The following RAPGEF6 variants were observed in gnomAD, a reference collection of about 807,000 sequenced individuals.
RAPGEF6 encodes Rap guanine nucleotide exchange factor 6, also known as PDZ domain containing guanine nucleotide exchange factor (GEF) 2.
Under a neutral mutation model 171.4 loss-of-function variants are expected in RAPGEF6, and 56 were observed. The ratio of observed to expected loss-of-function variants is 0.33; its 90% confidence interval spans 0.26 to 0.41. The LOEUF is 0.41. RAPGEF6 is among the 10% of genes least tolerant of loss of function. The pLI, the probability that RAPGEF6 is intolerant of heterozygous loss-of-function variation, is 1.00. For missense variants in RAPGEF6, 1,674 were observed against 1,921.4 expected (o/e 0.87, Z 2.41); for synonymous variants, 692 against 650.1 (o/e 1.06, Z -0.98).
intron 4 of RAPGEF6, among the ~76,000 whole-genome samples, chr5:131,568,294 C>T (rs925887273): frequency 6.6e-6 from 1 of 150,994 alleles, no homozygotes; most frequent in Non-Finnish European, 1.5e-5. Context: ...TTTAGTATCC[C>T]ATTTTAATTC....
intron 6 of RAPGEF6, among the ~76,000 whole-genome samples, chr5:131,543,472 C>T (rs1760291035): frequency 1.3e-5 from 2 of 152,022 alleles, no homozygotes; most frequent in Admixed American, 1.3e-4. Context: ...AAAAAGTGAA[C>T]ACTAAAGAAA....
At chr5:131,457,220 A>T (rs1030508420) in intron 19 of RAPGEF6, among the ~76,000 whole-genome samples, 1 of 152,148 alleles carries the variant, frequency 6.6e-6, no homozygotes, top group African/African-American at 2.4e-5. Flanking sequence ...ACAGGTGTGT[A>T]CCACAATGCC....
intron 22 of RAPGEF6, among the ~76,000 whole-genome samples, chr5:131,445,905 T>A (rs1169725038): frequency 1.3e-5 from 2 of 152,204 alleles, no homozygotes; most frequent in African/African-American, 4.8e-5. Context: ...CTTTGATTTC[T>A]GCTCTTAGAA....
At chr5:131,472,470 T>A (rs778263020) in intron 17 of RAPGEF6, 117 bp downstream of exon 17, 1 of 1,193,914 alleles carries the variant, frequency 8.4e-7, no homozygotes, top group African/African-American at 1.5e-5. Context: ...TTGCATCAAG[T>A]CATAATCTAG....
Position 131,433,624 on chromosome 5 carries a change from G to A in RAPGEF6, c.3780C>T (p.Asn1260=). The A allele has an allele frequency of 1.2e-6, 2 of 1,612,980 alleles. No homozygotes were observed. Among genetic ancestry groups the A allele is most frequent in the African/African-American group, 2.7e-5 (2 of 74,964 alleles). Residue 1260 remains asparagine (N), a synonymous_variant, in exon 25 of 28, where the codon AAC becomes AAT. Transcript: ENST00000509018. ...TCTCACTATGGCTGGAGTCAGACAA[G>A]TTGTCAGATTTAGCTGATGGAATAA... ...YTLIPSAKSD[N]LSDSSHSEIS...
At chr5:131,456,275 T>C (rs1483897141) in intron 19 of RAPGEF6, among the ~76,000 whole-genome samples, 1 of 152,152 alleles carries the variant, frequency 6.6e-6, no homozygotes, top group Non-Finnish European at 1.5e-5. Flanking sequence ...AGTGACAGAA[T>C]AATTCCATAA....
chr5:131,528,288 A>T (rs1198506407), intron 6 of RAPGEF6, among the ~76,000 whole-genome samples: 5 of 101,942 alleles, frequency 4.9e-5, no homozygotes, highest in African/African-American at 7.1e-5. Context: ...TATATATATA[A>T]ATAAAATAAA....
intron 7 of RAPGEF6, among the ~76,000 whole-genome samples, chr5:131,511,932 T>C (rs557440817): frequency 6.6e-6 from 1 of 152,174 alleles, no homozygotes; most frequent in Non-Finnish European, 1.5e-5. Flanking sequence ...TGTACACAAT[T>C]AGATCTGGAA....
intron 1 of RAPGEF6, among the ~76,000 whole-genome samples, chr5:131,626,914 A>G (rs575076519): frequency 6.6e-6 from 1 of 152,316 alleles, no homozygotes; most frequent in East Asian, 1.9e-4. Context: ...ATACCTAGGA[A>G]ATATAGGAAA....
intron 24 of RAPGEF6, chr5:131,436,083 T>C (rs1751989906): frequency 6.5e-7 from 1 of 1,537,842 alleles, no homozygotes; most frequent in African/African-American, 1.4e-5. Context: ...CATCCTTCAC[T>C]TTCTCACAGC....
intron 15 of RAPGEF6, 21 bp from the exon 16 acceptor site, chr5:131,479,774 C>T (rs368749192): frequency 7.5e-6 from 12 of 1,597,398 alleles, no homozygotes; most frequent in South Asian, 2.3e-5. Context: ...AAAACAAATG[C>T]GTCATTTTAT....
At chr5:131,547,577 C>T (rs9885286) in intron 6 of RAPGEF6, among the ~76,000 whole-genome samples, 116,804 of 149,986 alleles carry the variant, frequency 0.78, 45,682 homozygotes, top group Middle Eastern at 0.82. Context: ...TGGTGTGATA[C>T]TGGCTCACTA....
At chr5:131,560,547 G>C (rs1328865870) in intron 5 of RAPGEF6, among the ~76,000 whole-genome samples, 2 of 152,086 alleles carry the variant, frequency 1.3e-5, no homozygotes, top group South Asian at 4.1e-4. Flanking sequence ...ATACTGCCTG[G>C]GCAGTTTTCT....
intron 13 of RAPGEF6, 73 bp from the exon 14 acceptor site, chr5:131,492,858 TATTAGA>T (rs961989459): frequency 1.4e-6 from 2 of 1,382,100 alleles, no homozygotes; most frequent in African/African-American, 1.4e-5. Flanking sequence ...CAACGAAAAT[TATTAGA>T]ATTAGAGTTA....
At chr5:131,428,611 C>T (rs1489385026) in intron 27 of RAPGEF6, among the ~76,000 whole-genome samples, 1 of 152,030 alleles carries the variant, frequency 6.6e-6, no homozygotes, top group Admixed American at 6.5e-5. Context: ...CAGGCATGCG[C>T]CATAATGCCT....
chr5:131,626,915 A>C (rs1436517447), intron 1 of RAPGEF6, among the ~76,000 whole-genome samples: 3 of 152,202 alleles, frequency 2.0e-5, no homozygotes, highest in Non-Finnish European at 4.4e-5. Context: ...TACCTAGGAA[A>C]TATAGGAAAT....
At chr5:131,488,124 T>C (rs1756044705) in intron 15 of RAPGEF6, among the ~76,000 whole-genome samples, 1 of 152,140 alleles carries the variant, frequency 6.6e-6, no homozygotes, top group Admixed American at 6.5e-5. Context: ...ATGTAACTTC[T>C]ACCCTCTGCT....
At chr5:131,556,330 T>C (rs1761234074) in intron 5 of RAPGEF6, among the ~76,000 whole-genome samples, 1 of 151,988 alleles carries the variant, frequency 6.6e-6, no homozygotes, top group South Asian at 2.1e-4. Flanking sequence ...TCTCAGCTAC[T>C]CGGGAGGCTG....
intron 4 of RAPGEF6, among the ~76,000 whole-genome samples, chr5:131,589,853 C>T (rs912559525): frequency 2.6e-5 from 4 of 152,222 alleles, no homozygotes. Context: ...CAGCAGTTCC[C>T]TTCCCCTTCC....
Sources: gnomAD v4.1 joint callset for allele counts (sites outside exome capture counted in the v4.1 genomes callset) on GRCh38, gnomAD v4.1.1 for gene constraint, MANE v1.5 for transcripts, NCBI Gene and HGNC (gene_info 2026-07-23, HGNC 2026-07-21) for gene names.